The following NFATC1 variants were observed in gnomAD, a reference collection of about 807,000 sequenced individuals.
NFATC1 encodes nuclear factor of activated T-cells, cytoplasmic 1.
A neutral mutation model predicts 76.0 loss-of-function variants in NFATC1; 22 were observed. The observed-to-expected ratio is 0.29, with a 90% CI of 0.21 to 0.41. The LOEUF (loss-of-function observed/expected upper bound fraction) is 0.41. NFATC1 is among the 10% of genes least tolerant of loss of function. The pLI is 1.00. For missense variants in NFATC1, 1,357 were observed against 1,337.7 expected, an observed-to-expected ratio of 1.01 and a Z score of -0.23; for synonymous variants, 704 against 613.1, an observed-to-expected ratio of 1.15 and a Z score of -2.19.
intron 1 of NFATC1, among the ~76,000 whole-genome samples, chr18:79,408,484 C>T (rs2085518676): frequency 6.6e-6 from 1 of 152,348 alleles, no homozygotes; most frequent in East Asian, 1.9e-4. Flanking sequence ...GTGTAATTAA[C>T]ACATAATGAT....
At chr18:79,452,908 G>A (rs148474882) in intron 6 of NFATC1, among the ~76,000 whole-genome samples, 1 of 152,322 alleles carries the variant, frequency 6.6e-6, no homozygotes, top group Non-Finnish European at 1.5e-5. Context: ...AAACCGCGGA[G>A]GCATTCAGCC....
chr18:79,472,731 C>T (rs1248083330), intron 8 of NFATC1, among the ~76,000 whole-genome samples: 1 of 152,180 alleles, frequency 6.6e-6, no homozygotes, highest in Admixed American at 6.5e-5. Flanking sequence ...CTCAGACACC[C>T]AGGCATGGCT....
At chr18:79,449,047 C>T (rs2144767599) in intron 4 of NFATC1, 63 bp downstream of exon 4, 1 of 1,538,846 alleles carries the variant, frequency 6.5e-7, no homozygotes, top group East Asian at 2.3e-5. Context: ...GCCTCCCTCC[C>T]AGTCCCGGGG....
chr18:79,506,939 A>C (rs2090131680), intron 9 of NFATC1, among the ~76,000 whole-genome samples: 1 of 152,188 alleles, frequency 6.6e-6, no homozygotes, highest in Non-Finnish European at 1.5e-5. Flanking sequence ...GGACAAAGAA[A>C]GTGTATCCCC....
At chr18:79,464,438 T>C (rs2144897292) in intron 7 of NFATC1, among the ~76,000 whole-genome samples, 1 of 152,082 alleles carries the variant, frequency 6.6e-6, no homozygotes. Flanking sequence ...TGCTTTAATA[T>C]ATATATTTTC....
chr18:79,459,516 G>A (rs914768398), intron 6 of NFATC1, among the ~76,000 whole-genome samples: 2 of 152,092 alleles, frequency 1.3e-5, no homozygotes, highest in African/African-American at 2.4e-5. Flanking sequence ...CCCCGTGTGC[G>A]CCTCAGTGTC....
chr18:79,491,289 C>T (rs1479546431), intron 9 of NFATC1, among the ~76,000 whole-genome samples: 1 of 152,072 alleles, frequency 6.6e-6, no homozygotes, highest in Non-Finnish European at 1.5e-5. Flanking sequence ...CAGGGCGCCC[C>T]AACAAGGGAC....
chr18:79,493,055 T>A (rs1450524984), intron 9 of NFATC1, among the ~76,000 whole-genome samples: 1 of 152,182 alleles, frequency 6.6e-6, no homozygotes, highest in Non-Finnish European at 1.5e-5. Context: ...CTCAGACTTC[T>A]CGAGCATGGC....
At chr18:79,522,195 T>G (rs1284500898) in intron 9 of NFATC1, among the ~76,000 whole-genome samples, 74 of 25,586 alleles carry the variant, frequency 2.9e-3, no homozygotes, top group East Asian at 0.01. Context: ...TTTGTGTGTG[T>G]GGGGGGGGGT....
intron 6 of NFATC1, among the ~76,000 whole-genome samples, chr18:79,456,186 C>T (rs957336032): frequency 1.7e-4 from 26 of 152,266 alleles, no homozygotes; most frequent in Admixed American, 2.6e-4. Context: ...ACGGAACCAC[C>T]GTGGCTTTGG....
chr18:79,521,179 C>G (rs1335628843), intron 9 of NFATC1, among the ~76,000 whole-genome samples: 1 of 30,040 alleles, frequency 3.3e-5, no homozygotes, highest in African/African-American at 1.4e-4. Flanking sequence ...TGATGTGTGT[C>G]CATGTGTGTG....
chr18:79,521,201 G>A (rs1318259802), intron 9 of NFATC1, among the ~76,000 whole-genome samples: 4 of 74,872 alleles, frequency 5.3e-5, no homozygotes, highest in Non-Finnish European at 7.8e-5. Flanking sequence ...GGGGGCATCA[G>A]CTGATATGTG....
At chr18:79,517,480 C>T (rs1312688498) in intron 9 of NFATC1, among the ~76,000 whole-genome samples, 1 of 152,134 alleles carries the variant, frequency 6.6e-6, no homozygotes, top group Non-Finnish European at 1.5e-5. Flanking sequence ...GGACGGTGGG[C>T]CTTAGAAGGG....
Position 79,448,792 on chromosome 18 carries a change from A to G in NFATC1, c.1397A>G (p.Tyr466Cys), listed in dbSNP as rs1228105698. The change falls in exon 4 of 10, where the codon TAC becomes TGC. Residue 466 changes from tyrosine (Y) to cysteine (C), a missense_variant. Around this residue, in one of 3 missense-constraint regions of NFATC1, gnomAD observed 242 missense variants for 329.2 expected, o/e 0.74. Coordinates refer to ENST00000427363, the MANE Select transcript of NFATC1 (RefSeq NM_001278669.2). ...GGHPIVQLHG[Y>C]LENEPLMLQL... ...CTGTTCTCTCGCCAGCTGCATGGCTACTTGGAGAATGAGCCGCTGATGCTG... is the reference window on the plus strand; with the variant it reads ...CTGTTCTCTCGCCAGCTGCATGGCTGCTTGGAGAATGAGCCGCTGATGCTG... The G allele has an allele frequency of 1.2e-6, 2 of 1,613,496 alleles. No individual in the cohort carries two copies. Among genetic ancestry groups the G allele is most frequent in the Non-Finnish European group, 8.5e-7 (1 of 1,179,816 alleles).
intron 1 of NFATC1, among the ~76,000 whole-genome samples, chr18:79,403,486 C>T (rs112664458): frequency 0.032 from 4,810 of 152,326 alleles, 260 homozygotes; most frequent in African/African-American, 0.11. Flanking sequence ...GAAATAGCTG[C>T]TTCGCTGTCA....
chr18:79,451,638 C>G, intron 5 of NFATC1, 38 bp from the exon 6 acceptor site: 1 of 1,514,898 alleles, frequency 6.6e-7, no homozygotes, highest in Non-Finnish European at 8.9e-7. Flanking sequence ...GCCGCCCACT[C>G]AGGACAGGCC....
intron 2 of NFATC1, among the ~76,000 whole-genome samples, chr18:79,428,916 T>C (rs545983899): frequency 5.3e-5 from 8 of 151,964 alleles, no homozygotes; most frequent in Non-Finnish European, 7.4e-5. Flanking sequence ...TTTGTAAAAA[T>C]GTTTATAGAA....
At position 79,486,440 on chromosome 18, in the gene NFATC1, C is replaced by T. The variant is rs202039486; in HGVS notation, c.2285C>T (p.Pro762Leu). The T allele has an allele frequency of 4.3e-6, 7 of 1,612,016 alleles. No individual in the cohort carries two copies. In the East Asian group the frequency reaches 1.6e-4, roughly 36 times the overall value. ...AGAAGCACCCTGATGCCAGCGGCCC[C>T]TGGCGTGAGCCCCAAGCTCCACGAC... Reference protein sequence around the residue: ...PQRSTLMPAAPGVSPKLHDLS... With the variant: ...PQRSTLMPAALGVSPKLHDLS... The change falls in exon 9 of 10, where the codon CCT becomes CTT. Residue 762 changes from proline to leucine, a missense_variant. Physicochemically the swap from Pro to Leu is moderately conservative, Grantham distance 98. Coordinates refer to ENST00000427363, the MANE Select transcript of NFATC1 (RefSeq NM_001278669.2).
intron 8 of NFATC1, chr18:79,467,971 C>T (rs921741051): frequency 2.8e-5 from 29 of 1,018,612 alleles, no homozygotes; most frequent in Middle Eastern, 4.8e-4. Context: ...TTGCAGGCAC[C>T]TTTAGGAATA....
Sources: allele counts gnomAD v4.1 joint callset (sites outside exome capture counted in the v4.1 genomes callset), GRCh38; gene constraint gnomAD v4.1.1; regional missense constraint gnomAD v4.1.1; transcripts MANE v1.5; gene names NCBI Gene and HGNC (gene_info 2026-07-23, HGNC 2026-07-21).